Variants in DLG2 observed in about 807,000 individuals in gnomAD.
The protein encoded by DLG2 is discs large MAGUK scaffold protein 2.
Under a neutral mutation model 132.5 loss-of-function variants are expected in DLG2, and 45 were observed. The ratio of observed to expected loss-of-function variants is 0.34; its 90% confidence interval spans 0.27 to 0.44. The LOEUF (loss-of-function observed/expected upper bound fraction) is 0.44. DLG2 is among the 20% of genes least tolerant of loss of function. The pLI is 1.00. For missense variants in DLG2, 1,045 were observed against 1,196.9 expected, an observed-to-expected ratio of 0.87 and a Z score of 1.87; for synonymous variants, 424 against 419.6, an observed-to-expected ratio of 1.01 and a Z score of -0.13.
At chr11:83,657,973 G>A (rs1363426776) in intron 18 of DLG2, among the ~76,000 whole-genome samples, 1 of 152,308 alleles carries the variant, frequency 6.6e-6, no homozygotes, top group Middle Eastern at 3.4e-3. Context: ...GGCTGCAGAG[G>A]AAGGAAGACA....
chr11:84,532,978 G>GCAAGAT (rs2154520502), intron 7 of DLG2, among the ~76,000 whole-genome samples: 1 of 152,270 alleles, frequency 6.6e-6, no homozygotes, highest in East Asian at 1.9e-4. Context: ...CTAGGAATCA[G>GCAAGAT]CAAGATTCTA....
At chr11:85,264,031 C>T (rs117824930) in intron 4 of DLG2, among the ~76,000 whole-genome samples, 243 of 151,224 alleles carry the variant, frequency 1.6e-3, no homozygotes, top group Middle Eastern at 3.5e-3. Context: ...TAGATAAGGT[C>T]GTGCTGCTAG....
chr11:83,550,316 C>T (rs1474172679), intron 19 of DLG2, among the ~76,000 whole-genome samples: 1 of 152,180 alleles, frequency 6.6e-6, no homozygotes, highest in Non-Finnish European at 1.5e-5. Context: ...TTCTCTTTCT[C>T]TCTCTTAAGT....
chr11:84,544,086 C>T (rs2099384699), intron 6 of DLG2, among the ~76,000 whole-genome samples: 1 of 152,204 alleles, frequency 6.6e-6, no homozygotes, highest in South Asian at 2.1e-4. Flanking sequence ...GGAGAACTTA[C>T]TCTAGCTCAG....
At position 83,928,917 on chromosome 11, in the gene DLG2, C is replaced by A. The variant is rs111992606; in HGVS notation, c.1496+1411G>T. ...AAGTCATTACAGGTATGTGGCTCTT[C>A]TCACTTCCTTACGGCTATGGTGACT... On this transcript the variant is annotated intron_variant, in intron 15 of 27. Transcript: ENST00000376104. 5.0e-3 allele frequency among the ~76,000 whole-genome samples: 754 copies of A among 152,254 alleles called. 9 individuals carry two copies. Among genetic ancestry groups the A allele is most frequent in the African/African-American group, 0.016 (664 of 41,548 alleles).
At chr11:84,319,851 T>C (rs2098393684) in intron 7 of DLG2, among the ~76,000 whole-genome samples, 1 of 152,222 alleles carries the variant, frequency 6.6e-6, no homozygotes, top group South Asian at 2.1e-4. Context: ...AAGACTATAT[T>C]GAAATCACTC....
intron 2 of DLG2, among the ~76,000 whole-genome samples, chr11:85,620,757 G>A (rs1225762694): frequency 1.3e-5 from 2 of 152,210 alleles, no homozygotes; most frequent in African/African-American, 4.8e-5. Context: ...AAGAAAGCTG[G>A]AAGCCAGCAA....
chr11:83,493,031 C>T (rs1265927452), intron 21 of DLG2, among the ~76,000 whole-genome samples: 1 of 152,122 alleles, frequency 6.6e-6, no homozygotes, highest in East Asian at 1.9e-4. Flanking sequence ...TCTCCATAAT[C>T]CAGCTCTAGC....
chr11:83,862,671 AAG>A lies in DLG2; in HGVS notation c.1565+11747_1565+11748del, dbSNP rs565246773. ...TAGATACTCCCCCACTCCAAAAAAA[AAG>A]AGTGGTGGCAGCAGCATTCATAATA... On this transcript the variant is annotated intron_variant, in intron 16 of 27. Transcript: ENST00000376104. Among the ~76,000 whole-genome samples the A allele has an allele frequency of 1.3e-3, 202 of 152,258 alleles. 1 individual carries two copies. Among genetic ancestry groups the A allele is most frequent in the Admixed American group, 4.6e-3 (71 of 15,276 alleles).
At chr11:85,490,011 G>C (rs1385092142) in intron 3 of DLG2, among the ~76,000 whole-genome samples, 1 of 151,998 alleles carries the variant, frequency 6.6e-6, no homozygotes, top group African/African-American at 2.4e-5. Context: ...AACAAAGCAA[G>C]ATCCTTGTCT....
chr11:84,487,914 T>A (rs1473243423), intron 7 of DLG2, among the ~76,000 whole-genome samples: 1 of 152,158 alleles, frequency 6.6e-6, no homozygotes, highest in African/African-American at 2.4e-5. Context: ...AAAAAGCACC[T>A]AATGTATTTC....
At chr11:84,806,237 A>C (rs1235897856) in intron 6 of DLG2, among the ~76,000 whole-genome samples, 2 of 152,194 alleles carry the variant, frequency 1.3e-5, no homozygotes, top group Non-Finnish European at 2.9e-5. Flanking sequence ...TGAAAGGAGA[A>C]AGAGTGGAGA....
intron 18 of DLG2, among the ~76,000 whole-genome samples, chr11:83,728,673 G>A (rs149240990): frequency 2.0e-4 from 31 of 152,306 alleles, no homozygotes; most frequent in African/African-American, 7.2e-4. Context: ...CACAAATCCC[G>A]GACACATCTA....
At chr11:84,344,176 G>T (rs968815062) in intron 7 of DLG2, among the ~76,000 whole-genome samples, 4 of 152,192 alleles carry the variant, frequency 2.6e-5, no homozygotes, top group Non-Finnish European at 4.4e-5. Context: ...AAGCCTCTTT[G>T]AAAAGGGAGG....
chr11:84,820,544 C>T (rs1266688681), intron 6 of DLG2, among the ~76,000 whole-genome samples: 2 of 151,872 alleles, frequency 1.3e-5, no homozygotes, highest in Admixed American at 6.6e-5. Context: ...AAATTCCAAA[C>T]TTATCCTCAA....
intron 3 of DLG2, among the ~76,000 whole-genome samples, chr11:85,539,481 T>C (rs2075820810): frequency 6.6e-6 from 1 of 152,214 alleles, no homozygotes; most frequent in African/African-American, 2.4e-5. Flanking sequence ...ATAATAATAG[T>C]TTCCAGGTAC....
At position 84,636,845 on chromosome 11, in the gene DLG2, G is replaced by A. The variant is rs376708055; in HGVS notation, c.358-102114C>T. ...CATCCAGACTGGAGTGCAGTGGCAC[G>A]ATTTTGGCACACCACAACCTCCCAC... is the stretch of plus-strand genomic sequence containing the variant. On this transcript the variant is annotated intron_variant, in intron 6 of 27. Coordinates refer to ENST00000376104, the MANE Select transcript of DLG2 (RefSeq NM_001142699.3). Among the ~76,000 whole-genome samples the A allele has an allele frequency of 2.4e-3, 355 of 150,942 alleles. 3 individuals are homozygous for A. The highest frequency in any genetic ancestry group is 8.4e-3 in the African/African-American group (344 of 41,082).
At chr11:83,772,428 A>C (rs1277763731) in intron 18 of DLG2, among the ~76,000 whole-genome samples, 1 of 145,124 alleles carries the variant, frequency 6.9e-6, no homozygotes, top group Non-Finnish European at 1.5e-5. Flanking sequence ...AGAAAAGAAA[A>C]GAAAAGAAAA....
intron 26 of DLG2, among the ~76,000 whole-genome samples, chr11:83,464,379 C>G (rs551886508): frequency 2.6e-5 from 4 of 152,134 alleles, no homozygotes; most frequent in Non-Finnish European, 4.4e-5. Flanking sequence ...GCTTTTGTTC[C>G]GGCTGACCTA....
Sources: gnomAD v4.1 joint callset for allele counts (sites outside exome capture counted in the v4.1 genomes callset) on GRCh38, gnomAD v4.1.1 for gene constraint, MANE v1.5 for transcripts, NCBI Gene and HGNC (gene_info 2026-07-23, HGNC 2026-07-21) for gene names.